The following GAGE10 variants were observed in gnomAD, a reference collection of about 807,000 sequenced individuals.
GAGE10 encodes G antigen 10.
In GAGE10, 9 loss-of-function variants were observed where a neutral mutation model predicts 11.5. That is an observed-to-expected ratio of 0.78 (90% CI 0.47 to 1.37). GAGE10 has a LOEUF of 1.37. GAGE10 is among the 40% of genes most tolerant of loss of function. GAGE10 has a pLI of 0.00. For missense variants in GAGE10, 83 were observed against 92.9 expected (o/e 0.89, Z 0.44); for synonymous variants, 23 against 29.7 (o/e 0.77, Z 0.73).
At chrX:49,315,986 G>T (rs1183228509) in intron 3 of GAGE10, among the ~76,000 whole-genome samples, 2 of 112,057 alleles carry the variant, frequency 1.8e-5, no homozygotes, top group African/African-American at 6.5e-5. Context: ...CCAGCTCCAC[G>T]AAGAGGTGGC....
Position 49,317,147 on chromosome X carries a change from A to G in GAGE10, c.203-16A>G. ...TGTTTTACTGCTTAAATTGATATGT[A>G]TTTTTTATTTTTAATGGCCGAAGCC... On this transcript the variant is annotated splice_polypyrimidine_tract_variant and intron_variant, in intron 3 of 4. Coordinates refer to ENST00000407599, the MANE Select transcript of GAGE10 (RefSeq NM_001098413.4). 2 of 1,191,108 alleles carry G rather than the reference A, an allele frequency of 1.7e-6. No individual in the cohort carries two copies. Among genetic ancestry groups the G allele is most frequent in the South Asian group, 1.8e-5 (1 of 56,308 alleles).
rs782283385 is a variant in GAGE10 at position 49,304,851 on chromosome X, G to T, written c.-8-1G>T. On this transcript the variant is annotated splice_acceptor_variant, in intron 1 of 4. Transcript: ENST00000407599. LOFTEE classifies it low-confidence loss of function (5UTR_SPLICE). ...TCCCAATCACGGTTGTCTGTTTTCA[G>T]TGTGAAATATGAGTTGGCGAGGAAG... The T allele has an allele frequency of 7.7e-5, 92 of 1,201,321 alleles. No homozygotes were observed. The highest frequency in any genetic ancestry group is 9.3e-5 in the Non-Finnish European group (83 of 887,917).
intron 4 of GAGE10, 87 bp downstream of exon 4, chrX:49,317,375 T>C: frequency 9.0e-7 from 1 of 1,113,950 alleles, no homozygotes; most frequent in South Asian, 1.9e-5. Flanking sequence ...TGAGATGGAG[T>C]CTTGCTCTGT....
intron 3 of GAGE10, among the ~76,000 whole-genome samples, chrX:49,316,360 G>T (rs1190713988): frequency 1.8e-5 from 2 of 112,121 alleles, no homozygotes; most frequent in Middle Eastern, 4.6e-3. Flanking sequence ...TCTTGCTTCT[G>T]TAATACGCTT....
chrX:49,317,591 A>T (rs1217875659), intron 4 of GAGE10, among the ~76,000 whole-genome samples: 1 of 111,096 alleles, frequency 9.0e-6, no homozygotes, highest in Non-Finnish European at 1.9e-5. Flanking sequence ...CAGGTGATCC[A>T]CTTAACTTAA....
intron 2 of GAGE10, 118 bp downstream of exon 2, chrX:49,305,058 G>A: frequency 9.9e-7 from 1 of 1,012,725 alleles, no homozygotes; most frequent in Non-Finnish European, 1.3e-6. Context: ...AAAAAATGAT[G>A]ATGGCGTCTC....
chrX:49,307,767 A>C (rs2066362694), intron 3 of GAGE10, among the ~76,000 whole-genome samples: 1 of 112,543 alleles, frequency 8.9e-6, no homozygotes, highest in South Asian at 3.6e-4. Context: ...AAATGTTTGG[A>C]TTACAGTTGT....
chrX:49,312,902 C>T (rs1602728895), intron 3 of GAGE10, among the ~76,000 whole-genome samples: 1 of 112,449 alleles, frequency 8.9e-6, no homozygotes, highest in East Asian at 2.8e-4. Context: ...CAATGTCTAT[C>T]CTGTGCCCGG....
At chrX:49,304,571 T>TC (rs199689350) in intron 1 of GAGE10, among the ~76,000 whole-genome samples, 2,011 of 111,964 alleles carry the variant, frequency 0.018, 47 homozygotes, top group African/African-American at 0.063. Flanking sequence ...GCCGCTGCAC[T>TC]CTGCCAGAGC....
chrX:49,306,635 C>T (rs2066358084), intron 3 of GAGE10, among the ~76,000 whole-genome samples: 1 of 111,279 alleles, frequency 9.0e-6, no homozygotes, highest in Non-Finnish European at 1.9e-5. Context: ...GCTCTCGGTA[C>T]TCTATGGCTG....
At chrX:49,312,929 G>C (rs1246257395) in intron 3 of GAGE10, among the ~76,000 whole-genome samples, 1 of 112,280 alleles carries the variant, frequency 8.9e-6, no homozygotes, top group Non-Finnish European at 1.9e-5. Context: ...CCAAAACAAG[G>C]ACCTACTCGA....
intron 4 of GAGE10, among the ~76,000 whole-genome samples, chrX:49,318,895 T>A (rs1198860532): frequency 1.0e-4 from 12 of 114,650 alleles, no homozygotes; most frequent in Non-Finnish European, 1.7e-4. Context: ...GGACATGAAC[T>A]CATCATTTTT....
intron 3 of GAGE10, among the ~76,000 whole-genome samples, chrX:49,309,569 A>G (rs1474005023): frequency 2.7e-5 from 3 of 112,561 alleles, no homozygotes; most frequent in Non-Finnish European, 5.6e-5. Context: ...AAAGTCACAG[A>G]GGCTTGTAAC....
intron 1 of GAGE10, 133 bp from the exon 2 acceptor site, chrX:49,304,717 CAT>C (rs5902437): frequency 0.42 from 375,508 of 900,429 alleles, 59,269 homozygotes; most frequent in Non-Finnish European, 0.47. Context: ...AAGGTACACA[CAT>C]ATGCTTAACT....
intron 3 of GAGE10, among the ~76,000 whole-genome samples, chrX:49,311,105 A>C (rs1388836416): frequency 9.0e-6 from 1 of 111,371 alleles, no homozygotes; most frequent in Non-Finnish European, 1.9e-5. Flanking sequence ...TTTTCAAGGA[A>C]CCAGGTGTAT....
intron 3 of GAGE10, among the ~76,000 whole-genome samples, chrX:49,310,931 G>A (rs1484981782): frequency 7.2e-5 from 8 of 111,800 alleles, no homozygotes; most frequent in Non-Finnish European, 1.9e-5. Context: ...AGAAACTGCA[G>A]GCACAAATTT....
intron 3 of GAGE10, among the ~76,000 whole-genome samples, chrX:49,309,132 C>T (rs1557124454): frequency 9.0e-6 from 1 of 111,617 alleles, no homozygotes; most frequent in East Asian, 2.8e-4. Flanking sequence ...GGCTAAGCAG[C>T]CTCTGAAACT....
At position 49,317,183 on chromosome X, in the gene GAGE10, A is replaced by G; in HGVS notation, c.223A>G (p.Ser75Gly). 1 of 1,205,713 alleles carries G rather than the reference A, an allele frequency of 8.3e-7. No homozygotes were observed. Among genetic ancestry groups the G allele is most frequent in the Non-Finnish European group, 1.1e-6 (1 of 891,659 alleles). Residue 75 changes from serine (S) to glycine (G), a missense_variant, in exon 4 of 5, where the codon AGC (serine) becomes GGC (glycine). This residue lies in a region of GAGE10 where 66 missense variants were observed against 35.4 expected (regional missense o/e 1.87). Transcript: ENST00000407599. The stretch of plus-strand genomic sequence containing the variant: ...TTAATGGCCGAAGCCTGAAGCTGAT[A>G]GCCAGGAACAGGTTCACCCAAAGAC... ...AGQGPKPEAD[S>G]QEQVHPKTGC...
intron 3 of GAGE10, among the ~76,000 whole-genome samples, chrX:49,309,976 G>C (rs1557124547): frequency 8.9e-6 from 1 of 112,107 alleles, no homozygotes; most frequent in Admixed American, 9.4e-5. Flanking sequence ...CGAAGGTGCC[G>C]AGAAACACTT....
Sources: allele counts gnomAD v4.1 joint callset (sites outside exome capture counted in the v4.1 genomes callset), GRCh38; gene constraint gnomAD v4.1.1; regional missense constraint gnomAD v4.1.1; transcripts MANE v1.5; gene names NCBI Gene and HGNC (gene_info 2026-07-23, HGNC 2026-07-21).